The following KCNK2 variants were observed in gnomAD, a reference collection of about 807,000 sequenced individuals.
KCNK2 encodes the protein potassium channel subfamily K member 2.
In KCNK2, 21 loss-of-function variants were observed where a neutral mutation model predicts 40.5. The ratio of observed to expected loss-of-function variants is 0.52; its 90% CI spans 0.37 to 0.75. The LOEUF is 0.75. Among genes scored for constraint, KCNK2 ranks in the 30% least tolerant of loss-of-function variants. The probability of loss-of-function intolerance (pLI) is 0.00; values close to 1 mark genes in which losing one functional copy is unlikely to be tolerated. For synonymous variants in KCNK2, 191 were observed against 202.2 expected (o/e 0.94, Z 0.47); for missense variants, 399 against 531.6 (o/e 0.75, Z 2.45).
At chr1:215,216,018 G>A (rs968356203) in intron 6 of KCNK2, among the ~76,000 whole-genome samples, 6 of 152,196 alleles carry the variant, frequency 3.9e-5, no homozygotes, top group Non-Finnish European at 8.8e-5. Context: ...GACAGGGCAT[G>A]TCCTGCACAG....
chr1:215,027,491 A>G (rs562492022), intron 1 of KCNK2, among the ~76,000 whole-genome samples: 196 of 152,208 alleles, frequency 1.3e-3, no homozygotes, highest in Non-Finnish European at 1.7e-3. Context: ...TAATGTGATC[A>G]TATGAGATAT....
intron 3 of KCNK2, among the ~76,000 whole-genome samples, chr1:215,140,988 A>C (rs1379640342): frequency 6.6e-6 from 1 of 151,972 alleles, no homozygotes; most frequent in African/African-American, 2.4e-5. Flanking sequence ...TTTTCTATTA[A>C]TTTTTAAAAA....
At chr1:215,201,234 A>G (rs1248490422) in intron 6 of KCNK2, among the ~76,000 whole-genome samples, 4 of 149,590 alleles carry the variant, frequency 2.7e-5, no homozygotes, top group Non-Finnish European at 5.9e-5. Flanking sequence ...TTACAGTGGT[A>G]GATCATATTG....
At chr1:215,135,881 C>A (rs952549668) in intron 3 of KCNK2, among the ~76,000 whole-genome samples, 1 of 151,756 alleles carries the variant, frequency 6.6e-6, no homozygotes, top group Non-Finnish European at 1.5e-5. Flanking sequence ...ACTACAGGCA[C>A]GTGCCAGCAT....
chr1:215,211,275 G>GGAACACTCTTGTCCTGCTGCCTTTGCACT (rs1665733943), intron 6 of KCNK2, among the ~76,000 whole-genome samples: 1 of 152,042 alleles, frequency 6.6e-6, no homozygotes, highest in Admixed American at 6.6e-5. Context: ...CAGCACACCA[G>GGAACACTCTTGTCCTGCTGCCTTTGCACT]GAACACTCTT....
intron 2 of KCNK2, among the ~76,000 whole-genome samples, chr1:215,105,673 C>A (rs1660405413): frequency 6.6e-6 from 1 of 152,002 alleles, no homozygotes; most frequent in South Asian, 2.1e-4. Flanking sequence ...AGGCTTGGGG[C>A]ATTACTGATC....
At chr1:215,190,330 G>A (rs1209983921) in intron 5 of KCNK2, among the ~76,000 whole-genome samples, 1 of 152,204 alleles carries the variant, frequency 6.6e-6, no homozygotes, top group East Asian at 1.9e-4. Context: ...AGGAGAAGAG[G>A]CATGCCTTGT....
chr1:215,092,724 C>T (rs551177527), intron 2 of KCNK2, among the ~76,000 whole-genome samples: 29 of 152,240 alleles, frequency 1.9e-4, no homozygotes, highest in Non-Finnish European at 3.1e-4. Context: ...GTGTTTCCTG[C>T]GTAACCAGTT....
At chr1:215,103,894 G>A (rs1191114595) in intron 2 of KCNK2, among the ~76,000 whole-genome samples, 1 of 151,884 alleles carries the variant, frequency 6.6e-6, no homozygotes, top group Non-Finnish European at 1.5e-5. Flanking sequence ...GGATTAAATT[G>A]CTTCAGATAA....
chr1:215,072,967 G>A (rs1216901492), intron 1 of KCNK2, among the ~76,000 whole-genome samples: 1 of 152,036 alleles, frequency 6.6e-6, no homozygotes, highest in African/African-American at 2.4e-5. Context: ...TCTTTACAGA[G>A]GTAATGAAGT....
intron 3 of KCNK2, among the ~76,000 whole-genome samples, chr1:215,134,177 G>A (rs1384869611): frequency 6.6e-6 from 1 of 152,086 alleles, no homozygotes; most frequent in Non-Finnish European, 1.5e-5. Flanking sequence ...CAGATGTGTG[G>A]GATTTTTCTG....
At chr1:215,115,170 A>G (rs1457510120) in intron 2 of KCNK2, among the ~76,000 whole-genome samples, 1 of 152,084 alleles carries the variant, frequency 6.6e-6, no homozygotes, top group Non-Finnish European at 1.5e-5. Flanking sequence ...CTTTCTGTGG[A>G]AACTTGAATA....
chr1:215,069,570 G>A (rs1431122090), intron 1 of KCNK2, among the ~76,000 whole-genome samples: 2 of 152,110 alleles, frequency 1.3e-5, no homozygotes, highest in African/African-American at 4.8e-5. Context: ...AGTATTAATA[G>A]TGACTAATGT....
At chr1:215,215,709 A>G (rs566409634) in intron 6 of KCNK2, among the ~76,000 whole-genome samples, 2 of 152,304 alleles carry the variant, frequency 1.3e-5, no homozygotes, top group East Asian at 1.9e-4. Flanking sequence ...TCCTTTCACA[A>G]TGGAAGAGTC....
chr1:215,098,830 G>A (rs1660085767), intron 2 of KCNK2, among the ~76,000 whole-genome samples: 1 of 151,800 alleles, frequency 6.6e-6, no homozygotes. Context: ...GTAGCTATTT[G>A]ATTGGTAGAG....
At chr1:215,230,720 A>G (rs1276972902) in intron 6 of KCNK2, among the ~76,000 whole-genome samples, 1 of 151,630 alleles carries the variant, frequency 6.6e-6, no homozygotes, top group Non-Finnish European at 1.5e-5. Flanking sequence ...GTGGGCACAC[A>G]GAATGTGGTT....
chr1:215,194,407 G>A (rs957751240), intron 5 of KCNK2, among the ~76,000 whole-genome samples: 5 of 152,040 alleles, frequency 3.3e-5, no homozygotes, highest in African/African-American at 9.7e-5. Flanking sequence ...GTTTTCATTC[G>A]AACCATCAAG....
chr1:215,061,341 T>G (rs1658354779), intron 1 of KCNK2, among the ~76,000 whole-genome samples: 1 of 152,206 alleles, frequency 6.6e-6, no homozygotes, highest in Non-Finnish European at 1.5e-5. Context: ...TTTGTCATTC[T>G]TTAAATTTTG....
At chr1:215,130,159 G>A (rs1661604212) in intron 3 of KCNK2, among the ~76,000 whole-genome samples, 1 of 152,110 alleles carries the variant, frequency 6.6e-6, no homozygotes, top group African/African-American at 2.4e-5. Flanking sequence ...AGGGAAGAAT[G>A]GCCAGAGGTT....
Sources: allele counts gnomAD v4.1 joint callset (sites outside exome capture counted in the v4.1 genomes callset), GRCh38; gene constraint gnomAD v4.1.1; transcripts MANE v1.5; gene names NCBI Gene and HGNC (gene_info 2026-07-23, HGNC 2026-07-21).